The following MAN2A1 variants were observed in gnomAD, a reference collection of about 807,000 sequenced individuals.
The protein encoded by MAN2A1 is alpha-mannosidase 2.
MAN2A1 carries 76 observed loss-of-function variants against 142.6 expected under a neutral mutation model. The ratio of observed to expected loss-of-function variants is 0.53; its 90% CI spans 0.44 to 0.65. The LOEUF (loss-of-function observed/expected upper bound fraction) is 0.65, where lower values mean the gene tolerates loss of function less well. MAN2A1 is among the 30% of genes least tolerant of loss of function. MAN2A1 has a pLI of 0.00. For synonymous variants in MAN2A1, 559 were observed against 473.2 expected, an observed-to-expected ratio of 1.18 and a Z score of -2.35; for missense variants, 1,311 against 1,365.1, an observed-to-expected ratio of 0.96 and a Z score of 0.62.
At position 109,819,847 on chromosome 5, in the gene MAN2A1, C is replaced by G. The variant is rs1242963629; in HGVS notation, c.2288C>G (p.Ser763Cys). The G allele has an allele frequency of 1.9e-5, 31 of 1,604,642 alleles. No homozygotes were observed. The highest frequency in any genetic ancestry group is 2.5e-5 in the Non-Finnish European group (30 of 1,176,618). ...NTEEGITLEN[S>C]FVLLRFDQTG... ...GAAGAAGGTATAACACTAGAGAACT[C>G]CTTTGTTTTACTTCGGTTTGATCAA... The change falls in exon 14 of 22, where the codon TCC (serine) becomes TGC (cysteine). Residue 763 changes from serine to cysteine, a missense_variant. Physicochemically the swap from Ser to Cys is moderately radical, Grantham distance 112 (BLOSUM62 -1). This residue lies in a region of MAN2A1 where 890 missense variants were observed against 920.5 expected (regional missense o/e 0.97). Coordinates refer to ENST00000261483, the MANE Select transcript of MAN2A1 (RefSeq NM_002372.4).
At chr5:109,854,994 G>T in intron 19 of MAN2A1, 146 bp from the exon 20 acceptor site, 3 of 442,824 alleles carry the variant, frequency 6.8e-6, no homozygotes, top group Non-Finnish European at 1.2e-5. Context: ...GTAGTTTATG[G>T]AGTATTTTCT....
chr5:109,695,907 G>A (rs1413361856), intron 1 of MAN2A1, among the ~76,000 whole-genome samples: 1 of 152,192 alleles, frequency 6.6e-6, no homozygotes, highest in Non-Finnish European at 1.5e-5. Flanking sequence ...CAGGTTTGAG[G>A]ATTAATTGTA....
chr5:109,817,099 G>A (rs1185334577), intron 12 of MAN2A1, among the ~76,000 whole-genome samples, 174 bp from the exon 13 acceptor site: 3 of 152,152 alleles, frequency 2.0e-5, no homozygotes, highest in Non-Finnish European at 4.4e-5. Flanking sequence ...CCAGGAGGTT[G>A]AGACTGCAGT....
intron 3 of MAN2A1, among the ~76,000 whole-genome samples, chr5:109,716,899 A>G (rs1751469892): frequency 6.6e-6 from 1 of 152,170 alleles, no homozygotes; most frequent in Non-Finnish European, 1.5e-5. Context: ...TTGTTACTGC[A>G]TATGATGGCG....
rs1752661397 is a variant in MAN2A1, at chr5:109,755,365, T to A, written c.744T>A (p.Gly248=). The A allele has an allele frequency of 1.9e-6, 3 of 1,612,662 alleles. No homozygotes were observed. The highest frequency in any genetic ancestry group is 2.5e-6 in the Non-Finnish European group (3 of 1,178,776). Residue 248 remains glycine, a synonymous_variant, in exon 5 of 22, where the codon GGT becomes GGA. Transcript: ENST00000261483. ...IENGQLEIVT[G]GWVMPDEATP... ...ATGGTCAGCTTGAAATTGTGACAGG[T>A]GGCTGGGTTATGCCTGATGAAGCTA...
chr5:109,783,683 C>G (rs1468635329), intron 9 of MAN2A1, among the ~76,000 whole-genome samples: 1 of 147,634 alleles, frequency 6.8e-6, no homozygotes, highest in African/African-American at 2.6e-5. Context: ...GTCCTTAAAA[C>G]ATGTTTCGTG....
At chr5:109,692,787 CAG>C (rs1491259073) in intron 1 of MAN2A1, among the ~76,000 whole-genome samples, 2 of 88,044 alleles carry the variant, frequency 2.3e-5, no homozygotes, top group South Asian at 4.2e-4. Flanking sequence ...TTTCCACAGA[CAG>C]GGGTGGGGAT....
Position 109,866,755 on chromosome 5 carries a change from C to T in MAN2A1, c.3283-91C>T, listed in dbSNP as rs200865673. ...GAGAACTTCAACATACTGTTTTATT[C>T]CTTCTCATACTAATTTTCACAGAAT... On this transcript the variant is annotated intron_variant, in intron 21 of 21. Transcript: ENST00000261483. The T allele has an allele frequency of 4.5e-5, 35 of 776,422 alleles. No homozygotes were observed. In the East Asian group the frequency reaches 9.7e-4, roughly 22 times the overall value. 48.1% of individuals were successfully genotyped at this position (776,422 alleles called of 1,614,324 possible).
At chr5:109,863,260 C>G (rs1218140098) in intron 20 of MAN2A1, 2 of 152,240 alleles carry the variant, frequency 1.3e-5, no homozygotes, top group African/African-American at 4.8e-5. Context: ...TTAGGAGTTC[C>G]CTGAGTCTTT....
At chr5:109,756,756 A>G (rs1467348465) in intron 5 of MAN2A1, among the ~76,000 whole-genome samples, 2 of 152,220 alleles carry the variant, frequency 1.3e-5, no homozygotes, top group Non-Finnish European at 2.9e-5. Context: ...CCTTGCTTGC[A>G]AGATTGGCCC....
intron 19 of MAN2A1, among the ~76,000 whole-genome samples, chr5:109,852,902 A>G (rs114774730): frequency 1.4e-3 from 220 of 152,280 alleles, no homozygotes; most frequent in African/African-American, 5.2e-3. Flanking sequence ...TAAATATGAT[A>G]AGAAAGTACA....
intron 12 of MAN2A1, among the ~76,000 whole-genome samples, chr5:109,810,763 C>T (rs959252723): frequency 6.6e-6 from 1 of 152,138 alleles, no homozygotes; most frequent in Non-Finnish European, 1.5e-5. Flanking sequence ...CTCTCTTCAG[C>T]AGTTTTTCTG....
intron 4 of MAN2A1, among the ~76,000 whole-genome samples, chr5:109,746,028 G>A (rs1752394996): frequency 6.6e-6 from 1 of 152,200 alleles, no homozygotes; most frequent in African/African-American, 2.4e-5. Context: ...TAGGCTGAGT[G>A]CAGTATTGCA....
At chr5:109,766,019 A>C (rs554690738) in intron 5 of MAN2A1, among the ~76,000 whole-genome samples, 3 of 152,194 alleles carry the variant, frequency 2.0e-5, no homozygotes, top group South Asian at 4.1e-4. Flanking sequence ...AGGTGTGGTC[A>C]TTGGTACTGA....
intron 2 of MAN2A1, 88 bp from the exon 3 acceptor site, chr5:109,716,032 G>A (rs1181838510): frequency 2.4e-6 from 2 of 830,742 alleles, no homozygotes; most frequent in African/African-American, 1.7e-5. Flanking sequence ...CATATGCAGA[G>A]TATAGCAGTG....
chr5:109,848,148 A>G (rs577956661), intron 19 of MAN2A1, among the ~76,000 whole-genome samples: 5 of 152,340 alleles, frequency 3.3e-5, no homozygotes, highest in South Asian at 2.1e-4. Context: ...TAAATTTGGT[A>G]AACTTTATTT....
rs1439085830 is a variant in MAN2A1 at position 109,708,735 on chromosome 5, C to A, written c.136-4785C>A. On this transcript the variant is annotated intron_variant, in intron 1 of 21. Coordinates refer to ENST00000261483, the MANE Select transcript of MAN2A1 (RefSeq NM_002372.4). ...GTCCAAGGTGGAAGGTGCAAGAGCC[C>A]AGGGACCACTGGTGTGAGTCTGGAG... is the stretch of plus-strand genomic sequence containing the variant. Among the ~76,000 whole-genome samples, 6 of 152,096 alleles carry A rather than the reference C, an allele frequency of 3.9e-5. No individual in the cohort carries two copies. The East Asian group carries it at 1.2e-3, about 29-fold the overall frequency.
chr5:109,779,823 T>C (rs1234329162), intron 8 of MAN2A1, among the ~76,000 whole-genome samples: 1 of 152,158 alleles, frequency 6.6e-6, no homozygotes, highest in Non-Finnish European at 1.5e-5. Flanking sequence ...CCAAGATACA[T>C]TGGCTACACC....
At chr5:109,772,752 CT>C (rs1753183446) in intron 7 of MAN2A1, among the ~76,000 whole-genome samples, 1 of 152,136 alleles carries the variant, frequency 6.6e-6, no homozygotes, top group Non-Finnish European at 1.5e-5. Flanking sequence ...TCAAATGATC[CT>C]CCTGCCTCGC....
Sources: allele counts gnomAD v4.1 joint callset (sites outside exome capture counted in the v4.1 genomes callset), GRCh38; gene constraint gnomAD v4.1.1; regional missense constraint gnomAD v4.1.1; transcripts MANE v1.5; gene names NCBI Gene and HGNC (gene_info 2026-07-23, HGNC 2026-07-21).